Variants in DENND5A observed in about 807,000 individuals in gnomAD.
DENND5A encodes the protein DENN domain containing 5A.
DENND5A carries 64 observed loss-of-function variants against 140.3 expected under a neutral mutation model. The observed-to-expected ratio is 0.46, with a 90% confidence interval of 0.37 to 0.56. The LOEUF is 0.56. Ranked by LOEUF, DENND5A falls within the 20% of genes least tolerant of loss-of-function variation. DENND5A has a pLI of 0.00. For missense variants in DENND5A, 1,292 were observed against 1,593.8 expected (o/e 0.81, Z 3.22); for synonymous variants, 605 against 607.7 (o/e 1.00, Z 0.07).
At chr11:9,231,203 C>T (rs566999676) in intron 1 of DENND5A, among the ~76,000 whole-genome samples, 17 of 152,184 alleles carry the variant, frequency 1.1e-4, no homozygotes, top group Non-Finnish European at 2.2e-4. Flanking sequence ...CATAAATGTG[C>T]TAGAAGTTAC....
At position 9,144,358 on chromosome 11, in the gene DENND5A, C is replaced by T. The variant is rs950496117; in HGVS notation, c.3123-80G>A. 23 of 1,401,258 alleles carry T rather than the reference C, an allele frequency of 1.6e-5. No individual in the cohort carries two copies. The African/African-American group carries it at 2.9e-4, about 17-fold the overall frequency. The allele number at this position is 1,401,258 out of a possible 1,614,324, so 86.8% of individuals were successfully genotyped here. On this transcript the variant is annotated intron_variant, in intron 18 of 22. Transcript: ENST00000328194. Reference sequence around the variant, plus strand: ...GGAAGAGCCATCAACAAAGCCAATCCCTGGAGATAGGCTCTGAAACCAGGA... The same window carrying T: ...GGAAGAGCCATCAACAAAGCCAATCTCTGGAGATAGGCTCTGAAACCAGGA...
intron 20 of DENND5A, 71 bp downstream of exon 20, chr11:9,143,332 A>G (rs993123589): frequency 3.6e-5 from 48 of 1,341,658 alleles, no homozygotes; most frequent in Middle Eastern, 1.8e-4. Context: ...GCATAACAAG[A>G]TAATCGGAAA....
At chr11:9,165,252 A>G (rs1393511989) in intron 11 of DENND5A, among the ~76,000 whole-genome samples, 1 of 152,082 alleles carries the variant, frequency 6.6e-6, no homozygotes, top group African/African-American at 2.4e-5. Context: ...TGCCTGCCTC[A>G]GCCTCCCAAA....
At chr11:9,229,629 A>G (rs1365399655) in intron 1 of DENND5A, among the ~76,000 whole-genome samples, 1 of 151,304 alleles carries the variant, frequency 6.6e-6, no homozygotes, top group Non-Finnish European at 1.5e-5. Flanking sequence ...TAAAAATGTC[A>G]CTCTCTCCCC....
intron 1 of DENND5A, among the ~76,000 whole-genome samples, chr11:9,249,722 G>T (rs1851637389): frequency 6.6e-6 from 1 of 151,950 alleles, no homozygotes; most frequent in Non-Finnish European, 1.5e-5. Flanking sequence ...TAATTTTTGT[G>T]TATTTTTAGT....
intron 5 of DENND5A, among the ~76,000 whole-genome samples, chr11:9,191,705 G>A (rs564902983): frequency 6.6e-6 from 1 of 152,324 alleles, no homozygotes; most frequent in East Asian, 1.9e-4. Context: ...AAAGAAAGCT[G>A]ATGCCAAAGA....
At chr11:9,237,913 A>ATTAATGG (rs1174231523) in intron 1 of DENND5A, among the ~76,000 whole-genome samples, 3 of 152,212 alleles carry the variant, frequency 2.0e-5, no homozygotes, top group African/African-American at 7.2e-5. Context: ...GGATTCACCA[A>ATTAATGG]AGTCCAGTTT....
chr11:9,207,726 A>G, intron 1 of DENND5A, 94 bp from the exon 2 acceptor site: 1 of 926,764 alleles, frequency 1.1e-6, no homozygotes, highest in African/African-American at 1.6e-5. Context: ...ATTTTACATT[A>G]TGAAACAATA....
intron 1 of DENND5A, among the ~76,000 whole-genome samples, chr11:9,212,924 A>T (rs984086162): frequency 6.6e-6 from 1 of 151,682 alleles, no homozygotes; most frequent in Non-Finnish European, 1.5e-5. Flanking sequence ...TGGCTATAAA[A>T]GGGCAACCCC....
At chr11:9,168,092 A>ATTTTTTTTTTTTTTTTTT (rs11285106) in intron 10 of DENND5A, among the ~76,000 whole-genome samples, 3 of 141,978 alleles carry the variant, frequency 2.1e-5, no homozygotes, top group South Asian at 2.2e-4. Flanking sequence ...AACCTCAGTG[A>ATTTTTTTTTTTTTTTTTT]TTTTTTTTTT....
chr11:9,180,731 G>A (rs1270758296), intron 6 of DENND5A, 36 bp downstream of exon 6: 1 of 1,592,334 alleles, frequency 6.3e-7, no homozygotes, highest in Admixed American at 1.7e-5. Flanking sequence ...CCCTAGCACA[G>A]ATCACACGTG....
chr11:9,143,511 T>C, intron 19 of DENND5A, 26 bp from the exon 20 acceptor site: 1 of 1,585,058 alleles, frequency 6.3e-7, no homozygotes, highest in South Asian at 1.1e-5. Context: ...CAGACATCCC[T>C]AACCAATCTC....
chr11:9,173,978 C>T (rs1193446530), intron 8 of DENND5A, among the ~76,000 whole-genome samples: 2 of 151,614 alleles, frequency 1.3e-5, no homozygotes, highest in African/African-American at 4.8e-5. Flanking sequence ...TGGCGAGCGC[C>T]TGTAGTCCCA....
rs184239205 is a variant in DENND5A, at chr11:9,203,087, T to C, written c.949+573A>G. 8.5e-5 allele frequency among the ~76,000 whole-genome samples: 13 copies of C among 152,320 alleles called. No individual in the cohort carries two copies. In the East Asian group the frequency reaches 1.9e-3, roughly 23 times the overall value. On this transcript the variant is annotated intron_variant, in intron 4 of 22. Transcript: ENST00000328194. ...ACACATAGTGCACTCTCAGTAAATA[T>C]GTACTGAATGAATGAATTTCATGTT...
At chr11:9,233,808 C>A (rs1850879468) in intron 1 of DENND5A, among the ~76,000 whole-genome samples, 3 of 152,112 alleles carry the variant, frequency 2.0e-5, no homozygotes. Flanking sequence ...GATTTCTGTC[C>A]TCCAAAACTG....
chr11:9,176,951 T>C, intron 8 of DENND5A: 1 of 456,016 alleles, frequency 2.2e-6, no homozygotes, highest in Non-Finnish European at 4.4e-6. Context: ...GCTTTTCCTT[T>C]CTGATAAAAG....
chr11:9,231,045 G>C (rs1194819193), intron 1 of DENND5A, among the ~76,000 whole-genome samples: 2 of 152,050 alleles, frequency 1.3e-5, no homozygotes, highest in Non-Finnish European at 2.9e-5. Flanking sequence ...CTATTGAGAG[G>C]AATGAATGAG....
chr11:9,182,986 C>T (rs1260120833), intron 5 of DENND5A, among the ~76,000 whole-genome samples: 3 of 152,104 alleles, frequency 2.0e-5, no homozygotes, highest in African/African-American at 4.8e-5. Flanking sequence ...ATTACATACA[C>T]CCCCATTTGA....
intron 5 of DENND5A, among the ~76,000 whole-genome samples, chr11:9,190,807 C>T (rs1010462487): frequency 1.3e-5 from 2 of 152,098 alleles, no homozygotes; most frequent in South Asian, 4.1e-4. Flanking sequence ...TGCTTTTGTG[C>T]ACTGTTAGCA....
Sources: allele counts gnomAD v4.1 joint callset (sites outside exome capture counted in the v4.1 genomes callset), GRCh38; gene constraint gnomAD v4.1.1; transcripts MANE v1.5; gene names NCBI Gene and HGNC (gene_info 2026-07-23, HGNC 2026-07-21).